The following RNF216 variants were observed in gnomAD, a reference collection of about 807,000 sequenced individuals.
The protein encoded by RNF216 is E3 ubiquitin-protein ligase RNF216.
RNF216 carries 72 observed loss-of-function variants against 110.8 expected under a neutral mutation model. The ratio of observed to expected loss-of-function variants is 0.65; its 90% CI spans 0.54 to 0.79. The LOEUF (loss-of-function observed/expected upper bound fraction) is 0.79. Ranked by LOEUF, RNF216 falls within the 30% of genes least tolerant of loss-of-function variation. The pLI is 0.00. For missense variants in RNF216, 1,342 were observed against 1,141.2 expected (o/e 1.18, Z -2.54); for synonymous variants, 495 against 407.5 (o/e 1.21, Z -2.59).
intron 1 of RNF216, among the ~76,000 whole-genome samples, chr7:5,769,213 G>GTTCAAGTGATTCTCCTGCC (rs1423883256): frequency 2.7e-5 from 4 of 149,748 alleles, no homozygotes; most frequent in Non-Finnish European, 4.4e-5. Context: ...TGCCTCCTGT[G>GTTCAAGTGATTCTCCTGCC]TTCAAGTGAT....
intron 15 of RNF216, among the ~76,000 whole-genome samples, chr7:5,637,249 C>T (rs1787451522): frequency 6.6e-6 from 1 of 152,184 alleles, no homozygotes; most frequent in African/African-American, 2.4e-5. Flanking sequence ...GCACTTCCCA[C>T]TGTGGGCTGC....
Position 5,622,062 on chromosome 7 carries a change from C to T in RNF216, c.*798G>A, listed in dbSNP as rs186611672. 6.6e-6 allele frequency: 1 copy of T among 152,414 alleles called. No homozygotes were observed. Among genetic ancestry groups the T allele is most frequent in the Admixed American group, 6.5e-5 (1 of 15,288 alleles). 9.4% of individuals were successfully genotyped at this position (152,414 alleles called of 1,614,324 possible). On this transcript the variant is annotated 3_prime_UTR_variant, in exon 17 of 17. Coordinates refer to ENST00000389902, the MANE Select transcript of RNF216 (RefSeq NM_207111.4). ...ACCCAGGGTGGCAGAAACGTCTCCC[C>T]CAGCAGTTGGGCTGCCCAGCAGGGC...
chr7:5,741,041 C>G lies in RNF216; in HGVS notation c.976G>C (p.Glu326Gln). ...PMQESQEPNL[E>Q]NIWGQEAAEV... ...GCAGCTTCTTGCCCCCAAATGTTTT[C>G]CAAATTGGGCTCTTGAGATTCTTGC... The change falls in exon 4 of 17, where the codon GAA (glutamate) becomes CAA (glutamine). Residue 326 changes from glutamate (E) to glutamine (Q), a missense_variant. Coordinates refer to ENST00000389902, the MANE Select transcript of RNF216 (RefSeq NM_207111.4). The G allele has an allele frequency of 6.2e-7, 1 of 1,614,014 alleles. No homozygotes were observed. Among genetic ancestry groups the G allele is most frequent in the Non-Finnish European group, 8.5e-7 (1 of 1,179,982 alleles).
In RNF216 at chr7:5,632,216, T is replaced by C. The variant is rs568028893; in HGVS notation, c.2383-8091A>G. 7.2e-5 allele frequency among the ~76,000 whole-genome samples: 11 copies of C among 152,350 alleles called. No homozygotes were observed. In the South Asian group the frequency reaches 2.3e-3, roughly 32 times the overall value. On this transcript the variant is annotated intron_variant, in intron 15 of 16. Coordinates refer to ENST00000389902, the MANE Select transcript of RNF216 (RefSeq NM_207111.4). Reference sequence around the variant, plus strand: ...GGCCAGTGGGGGCAGGAGGGGCTGCTGGCTGCATCTTTACTCGCTGCCACA... The same window carrying C: ...GGCCAGTGGGGGCAGGAGGGGCTGCCGGCTGCATCTTTACTCGCTGCCACA...
At chr7:5,662,414 CT>C (rs1438084697) in intron 13 of RNF216, 1 of 152,236 alleles carries the variant, frequency 6.6e-6, no homozygotes, top group African/African-American at 2.4e-5. Context: ...TGGACGCTTA[CT>C]TGTAAATACT....
intron 14 of RNF216, among the ~76,000 whole-genome samples, chr7:5,651,476 C>T (rs948195027): frequency 5.9e-5 from 9 of 152,080 alleles, no homozygotes; most frequent in Admixed American, 4.6e-4. Context: ...AAGCGATCTA[C>T]CTGCCTTAGC....
intron 5 of RNF216, among the ~76,000 whole-genome samples, chr7:5,738,730 AAAT>A (rs1331256876): frequency 5.0e-4 from 70 of 140,182 alleles, no homozygotes; most frequent in East Asian, 6.3e-4. Flanking sequence ...AAAAAAAAAA[AAAT>A]GCTTCCATGT....
chr7:5,778,354 C>T (rs896044047), intron 1 of RNF216, among the ~76,000 whole-genome samples: 3 of 152,184 alleles, frequency 2.0e-5, no homozygotes, highest in East Asian at 3.9e-4. Flanking sequence ...TTTGCTTTCT[C>T]CTCAGAGAAA....
intron 13 of RNF216, among the ~76,000 whole-genome samples, chr7:5,679,688 T>G (rs1026983265): frequency 2.0e-5 from 3 of 152,082 alleles, no homozygotes; most frequent in Non-Finnish European, 4.4e-5. Flanking sequence ...GAATCTCCCA[T>G]GGAATGTGCT....
At chr7:5,726,447 T>C (rs2128640460) in intron 7 of RNF216, among the ~76,000 whole-genome samples, 1 of 152,294 alleles carries the variant, frequency 6.6e-6, no homozygotes, top group East Asian at 1.9e-4. Context: ...TGTGCACCTA[T>C]ATCCACCCCA....
chr7:5,780,583 G>A (rs1797025141), intron 1 of RNF216, among the ~76,000 whole-genome samples: 1 of 151,962 alleles, frequency 6.6e-6, no homozygotes, highest in Non-Finnish European at 1.5e-5. Flanking sequence ...TGTAATCCCA[G>A]CTGAGGCAAT....
chr7:5,702,466 T>G (rs534762658), intron 13 of RNF216, among the ~76,000 whole-genome samples: 1 of 152,340 alleles, frequency 6.6e-6, no homozygotes, highest in South Asian at 2.1e-4. Context: ...TTGTCAGCTC[T>G]CTCCCTTCTG....
chr7:5,655,691 G>C (rs540246420), intron 13 of RNF216, among the ~76,000 whole-genome samples: 1 of 149,554 alleles, frequency 6.7e-6, no homozygotes, highest in African/African-American at 2.6e-5. Context: ...GCAAACACCA[G>C]GCTGGGGAGT....
At chr7:5,715,859 A>C (rs1025797429) in intron 10 of RNF216, among the ~76,000 whole-genome samples, 1 of 148,958 alleles carries the variant, frequency 6.7e-6, no homozygotes, top group East Asian at 2.0e-4. Flanking sequence ...CTCCTGCTTC[A>C]GCCTCCCGAG....
intron 2 of RNF216, among the ~76,000 whole-genome samples, chr7:5,757,783 G>C (rs1382463670): frequency 1.3e-5 from 2 of 152,148 alleles, no homozygotes; most frequent in Admixed American, 1.3e-4. Context: ...GATAGAAAAT[G>C]TTCCATATCA....
At chr7:5,708,884 G>A (rs920910069) in intron 13 of RNF216, among the ~76,000 whole-genome samples, 2 of 152,064 alleles carry the variant, frequency 1.3e-5, no homozygotes, top group Non-Finnish European at 2.9e-5. Context: ...TCTTCCCCTG[G>A]ACCCAAAAAG....
chr7:5,711,288 C>A (rs1395000166), intron 13 of RNF216, among the ~76,000 whole-genome samples: 1 of 152,188 alleles, frequency 6.6e-6, no homozygotes, highest in Non-Finnish European at 1.5e-5. Flanking sequence ...TGAGGAGAAA[C>A]AGTCAAATAA....
intron 14 of RNF216, among the ~76,000 whole-genome samples, chr7:5,643,907 T>C (rs1787894663): frequency 6.6e-6 from 1 of 152,210 alleles, no homozygotes; most frequent in Admixed American, 6.5e-5. Flanking sequence ...GCTAGGCAAA[T>C]GCCCATATGC....
At chr7:5,715,290 C>G (rs1562422071) in intron 10 of RNF216, 100 bp from the exon 11 acceptor site, 1 of 1,293,772 alleles carries the variant, frequency 7.7e-7, no homozygotes, top group Non-Finnish European at 1.1e-6. Context: ...CACACAAATT[C>G]TGAGGTAAAG....
Sources: allele counts gnomAD v4.1 joint callset (sites outside exome capture counted in the v4.1 genomes callset), GRCh38; gene constraint gnomAD v4.1.1; transcripts MANE v1.5; gene names NCBI Gene and HGNC (gene_info 2026-07-23, HGNC 2026-07-21).